The following POU6F2 variants were observed in gnomAD, a reference collection of about 807,000 sequenced individuals.
POU6F2 encodes POU class 6 homeobox 2, also known as POU domain, class 6, transcription factor 2.
POU6F2 carries 31 observed loss-of-function variants against 71.3 expected under a neutral mutation model. That is an observed-to-expected ratio of 0.43 (90% confidence interval 0.33 to 0.59). The LOEUF is 0.59. Ranked by LOEUF, POU6F2 falls within the 20% of genes least tolerant of loss-of-function variation. The pLI, the probability that POU6F2 is intolerant of heterozygous loss-of-function variation, is 0.04. For missense variants in POU6F2, 783 were observed against 856.8 expected (o/e 0.91, Z 1.07); for synonymous variants, 347 against 355.7 (o/e 0.98, Z 0.27).
intron 2 of POU6F2, among the ~76,000 whole-genome samples, chr7:39,114,668 G>T (rs990642476): frequency 6.6e-6 from 1 of 152,048 alleles, no homozygotes; most frequent in Non-Finnish European, 1.5e-5. Context: ...CATTGGTCAG[G>T]TGCCAAATTA....
intron 4 of POU6F2, among the ~76,000 whole-genome samples, chr7:39,286,607 G>A (rs1301169616): frequency 1.3e-5 from 2 of 152,180 alleles, no homozygotes; most frequent in African/African-American, 4.8e-5. Context: ...CAGATTGTTA[G>A]AAAAGTTCTT....
In POU6F2 at chr7:39,022,619, A is replaced by C. The variant is rs1291508575; in HGVS notation, c.105+44561A>C. On this transcript the variant is annotated intron_variant, in intron 1 of 9. Coordinates refer to ENST00000518318, the MANE Select transcript of POU6F2 (RefSeq NM_001370959.1). ...TCTTGTAAGTGGAATCATGCAATAT[A>C]TATTCTTTTATGTCTTCATTCTTCA... is the stretch of plus-strand genomic sequence containing the variant. Among the ~76,000 whole-genome samples the C allele has an allele frequency of 2.0e-5, 3 of 152,184 alleles. No homozygotes were observed. In the South Asian group the frequency reaches 6.2e-4, roughly 32 times the overall value.
intron 1 of POU6F2, among the ~76,000 whole-genome samples, chr7:39,039,523 A>G (rs557955970): frequency 5.4e-4 from 82 of 152,088 alleles, no homozygotes; most frequent in Non-Finnish European, 9.0e-4. Context: ...ACTATAGACA[A>G]TCTCCATAAT....
chr7:39,407,847 C>T (rs990405160), intron 6 of POU6F2, among the ~76,000 whole-genome samples: 1 of 152,134 alleles, frequency 6.6e-6, no homozygotes, highest in Admixed American at 6.5e-5. Flanking sequence ...GGTATTGTCC[C>T]GTCAGAACCC....
intron 2 of POU6F2, among the ~76,000 whole-genome samples, chr7:39,125,330 A>G (rs1348868627): frequency 6.6e-6 from 1 of 152,086 alleles, no homozygotes; most frequent in Non-Finnish European, 1.5e-5. Flanking sequence ...CTGAAATTAG[A>G]TTCTCTGCTT....
intron 6 of POU6F2, among the ~76,000 whole-genome samples, chr7:39,414,880 A>T (rs1339573396): frequency 6.6e-6 from 1 of 152,170 alleles, no homozygotes; most frequent in Non-Finnish European, 1.5e-5. Context: ...GGGAATGCAC[A>T]GTGAGAAATC....
intron 1 of POU6F2, among the ~76,000 whole-genome samples, chr7:39,055,024 A>G (rs543853331): frequency 1.3e-5 from 2 of 152,228 alleles, no homozygotes; most frequent in African/African-American, 4.8e-5. Context: ...TTTGCTATTT[A>G]AAAAGATCAC....
rs1040051666 is a variant in POU6F2, at chr7:39,012,728, A to C, written c.105+34670A>C. On this transcript the variant is annotated intron_variant, in intron 1 of 9. Transcript: ENST00000518318. ...GGTGTGGATGTCCTTTCTGTTTGTT[A>C]GTTTTCCTTCTAACAGACAGGACCC... Among the ~76,000 whole-genome samples, 53 of 151,570 alleles carry C rather than the reference A, an allele frequency of 3.5e-4. No individual in the cohort carries two copies. The East Asian group carries it at 6.3e-3, about 18-fold the overall frequency.
intron 2 of POU6F2, among the ~76,000 whole-genome samples, chr7:39,165,433 A>G (rs964298836): frequency 6.6e-6 from 1 of 152,222 alleles, no homozygotes; most frequent in African/African-American, 2.4e-5. Context: ...TTCTGAAGCC[A>G]ATAGTGGCAG....
At chr7:39,251,427 A>T (rs188101783) in intron 4 of POU6F2, among the ~76,000 whole-genome samples, 3 of 152,310 alleles carry the variant, frequency 2.0e-5, no homozygotes, top group Admixed American at 2.0e-4. Flanking sequence ...CTAAGCTTGG[A>T]GAAGAGCTGG....
At chr7:39,431,915 T>C (rs764715040) in intron 6 of POU6F2, among the ~76,000 whole-genome samples, 1 of 152,174 alleles carries the variant, frequency 6.6e-6, no homozygotes, top group Non-Finnish European at 1.5e-5. Context: ...CCAGAGCCCT[T>C]GAAGGCAACC....
At chr7:39,281,147 C>A (rs1337271761) in intron 4 of POU6F2, among the ~76,000 whole-genome samples, 1 of 151,902 alleles carries the variant, frequency 6.6e-6, no homozygotes, top group Non-Finnish European at 1.5e-5. Flanking sequence ...ATAAAATTTG[C>A]CATTTCTTAA....
chr7:39,127,214 G>T (rs558923357), intron 2 of POU6F2, among the ~76,000 whole-genome samples: 1 of 152,112 alleles, frequency 6.6e-6, no homozygotes, highest in Non-Finnish European at 1.5e-5. Context: ...AATTTGAGAC[G>T]TTTTAAGTGC....
chr7:39,230,748 A>G (rs1794558202), intron 4 of POU6F2, among the ~76,000 whole-genome samples: 1 of 152,218 alleles, frequency 6.6e-6, no homozygotes, highest in African/African-American at 2.4e-5. Flanking sequence ...GTGAAGGGAG[A>G]ATGCCAGTTA....
At chr7:39,210,517 A>C (rs1794120266) in intron 4 of POU6F2, among the ~76,000 whole-genome samples, 1 of 152,186 alleles carries the variant, frequency 6.6e-6, no homozygotes, top group Non-Finnish European at 1.5e-5. Context: ...GTTCATTTAC[A>C]TCCCCTATCA....
In POU6F2 at chr7:39,194,172, A is replaced by G. The variant is rs201456173; in HGVS notation, c.278-10063A>G. ...TCAAATCCTACCTTGCTCACATGAA[A>G]CACATGAAACTCCCAAACACTCCAA... is the stretch of plus-strand genomic sequence containing the variant. On this transcript the variant is annotated intron_variant, in intron 2 of 9. Transcript: ENST00000518318. Among the ~76,000 whole-genome samples, 27 of 152,344 alleles carry G rather than the reference A, an allele frequency of 1.8e-4. No homozygotes were observed. In the East Asian group the frequency reaches 4.6e-3, roughly 26 times the overall value.
At position 39,334,319 on chromosome 7, in the gene POU6F2, A is replaced by G. The variant is rs554578532; in HGVS notation, c.599-5323A>G. On this transcript the variant is annotated intron_variant, in intron 4 of 9. Coordinates refer to ENST00000518318, the MANE Select transcript of POU6F2 (RefSeq NM_001370959.1). ...ATTCTGGGTACACATGAACATAAAA[A>G]TAGAAATAGTAGACACTGAGGACTC... 4.6e-3 allele frequency among the ~76,000 whole-genome samples: 702 copies of G among 152,292 alleles called. 4 individuals are homozygous for G. Among genetic ancestry groups the G allele is most frequent in the African/African-American group, 0.015 (641 of 41,550 alleles).
intron 4 of POU6F2, among the ~76,000 whole-genome samples, chr7:39,257,434 ATT>A (rs1382174686): frequency 1.3e-5 from 2 of 152,136 alleles, no homozygotes; most frequent in Admixed American, 6.5e-5. Context: ...TTAAATTCCT[ATT>A]CGTATTGGTT....
In POU6F2 at chr7:39,406,751, G is replaced by A. The variant is rs747641599; in HGVS notation, c.1113+11G>A. 1 of 1,612,794 alleles carries A rather than the reference G, an allele frequency of 6.2e-7. No homozygotes were observed. The highest frequency in any genetic ancestry group is 1.3e-5 in the African/African-American group (1 of 74,916). ...AATGCACAAGGACAGGTGAGTGGGA[G>A]ATGGGAACAAGAGTGCATTTTTATG... On this transcript the variant is annotated intron_variant, in intron 6 of 9. Transcript: ENST00000518318.
Sources: gnomAD v4.1 joint callset for allele counts (sites outside exome capture counted in the v4.1 genomes callset) on GRCh38, gnomAD v4.1.1 for gene constraint, MANE v1.5 for transcripts, NCBI Gene and HGNC (gene_info 2026-07-23, HGNC 2026-07-21) for gene names.